CHRM3: variants seen among roughly 807,000 people sequenced by gnomAD.
CHRM3 encodes the protein cholinergic receptor muscarinic 3, also known as muscarinic acetylcholine receptor M3.
A neutral mutation model predicts 41.8 loss-of-function variants in CHRM3; 11 were observed. That is an observed-to-expected ratio of 0.26 (90% CI 0.17 to 0.44). The LOEUF is 0.44. Ranked by LOEUF, CHRM3 falls within the 20% of genes least tolerant of loss-of-function variation. The pLI is 1.00. For missense variants in CHRM3, 571 were observed against 745.4 expected (o/e 0.77, Z 2.72); for synonymous variants, 297 against 301.4 (o/e 0.99, Z 0.15).
chr1:239,582,032 A>C (rs1228402721), intron 3 of CHRM3, among the ~76,000 whole-genome samples: 1 of 152,200 alleles, frequency 6.6e-6, no homozygotes, highest in Non-Finnish European at 1.5e-5. Context: ...TAACCTAAGT[A>C]CTCTGCAAAT....
intron 5 of CHRM3, among the ~76,000 whole-genome samples, chr1:239,749,780 ATTTG>A (rs1458821228): frequency 6.6e-6 from 1 of 152,212 alleles, no homozygotes; most frequent in Non-Finnish European, 1.5e-5. Context: ...GAATTTTCGT[ATTTG>A]TTAAATAAGA....
At chr1:239,772,709 C>G (rs1667790201) in intron 5 of CHRM3, among the ~76,000 whole-genome samples, 1 of 152,090 alleles carries the variant, frequency 6.6e-6, no homozygotes, top group African/African-American at 2.4e-5. Context: ...GTACATGATG[C>G]CTTTCTGTGA....
chr1:239,865,092 T>C (rs1675977884), intron 6 of CHRM3, among the ~76,000 whole-genome samples: 1 of 152,178 alleles, frequency 6.6e-6, no homozygotes, highest in Non-Finnish European at 1.5e-5. Flanking sequence ...TAACTGCCCA[T>C]TGACTAAATT....
chr1:239,400,416 T>C (rs1659869305), intron 1 of CHRM3, among the ~76,000 whole-genome samples: 3 of 152,184 alleles, frequency 2.0e-5, no homozygotes. Context: ...CTCTTCACTT[T>C]GTTTATTTTT....
chr1:239,873,731 T>A (rs1021568821), intron 6 of CHRM3, among the ~76,000 whole-genome samples: 4 of 152,198 alleles, frequency 2.6e-5, no homozygotes, highest in African/African-American at 7.2e-5. Context: ...TCTGCCTCTC[T>A]GGTCCTTCTC....
At chr1:239,560,381 C>G (rs1007023435) in intron 3 of CHRM3, among the ~76,000 whole-genome samples, 1 of 151,918 alleles carries the variant, frequency 6.6e-6, no homozygotes, top group African/African-American at 2.4e-5. Flanking sequence ...AATGCAAAAA[C>G]AATACAAAAC....
intron 3 of CHRM3, among the ~76,000 whole-genome samples, chr1:239,623,007 C>T (rs1668552549): frequency 6.6e-6 from 1 of 151,978 alleles, no homozygotes; most frequent in Non-Finnish European, 1.5e-5. Flanking sequence ...TGGCAACCAC[C>T]ACCCTGATCA....
At chr1:239,881,440 AAAC>A (rs1677628759) in intron 6 of CHRM3, among the ~76,000 whole-genome samples, 4 of 152,216 alleles carry the variant, frequency 2.6e-5, no homozygotes, top group Middle Eastern at 6.8e-3. Flanking sequence ...GGAAAGAAGA[AAAC>A]AAAATGGCGA....
intron 6 of CHRM3, among the ~76,000 whole-genome samples, chr1:239,839,803 G>GC (rs942620372): frequency 1.3e-5 from 2 of 151,404 alleles, no homozygotes; most frequent in South Asian, 4.2e-4. Flanking sequence ...GGCGGGGCGG[G>GC]GGGGGAGCGG....
intron 2 of CHRM3, among the ~76,000 whole-genome samples, chr1:239,543,650 G>A (rs545024055): frequency 2.0e-4 from 30 of 152,062 alleles, no homozygotes; most frequent in African/African-American, 7.2e-4. Context: ...TGGGACTACA[G>A]GCGCCCACCA....
chr1:239,651,101 T>C (rs1558420641), intron 4 of CHRM3, among the ~76,000 whole-genome samples: 1 of 152,204 alleles, frequency 6.6e-6, no homozygotes, highest in Non-Finnish European at 1.5e-5. Flanking sequence ...AATGAATGAA[T>C]CAAACCCATA....
intron 6 of CHRM3, among the ~76,000 whole-genome samples, chr1:239,843,346 A>G (rs969219220): frequency 1.3e-5 from 2 of 150,932 alleles, no homozygotes; most frequent in Non-Finnish European, 2.9e-5. Flanking sequence ...ATGCTGGCCT[A>G]TGTTATGATT....
At chr1:239,501,700 C>CA (rs965274182) in intron 2 of CHRM3, among the ~76,000 whole-genome samples, 17 of 151,604 alleles carry the variant, frequency 1.1e-4, no homozygotes, top group African/African-American at 3.1e-4. Flanking sequence ...CTAAAAAATA[C>CA]AAAAAAAATT....
At chr1:239,574,214 T>C (rs1662113213) in intron 3 of CHRM3, among the ~76,000 whole-genome samples, 1 of 152,174 alleles carries the variant, frequency 6.6e-6, no homozygotes. Flanking sequence ...CAGAGAGTGA[T>C]ACCCCTATAC....
intron 6 of CHRM3, among the ~76,000 whole-genome samples, chr1:239,863,669 C>T (rs1362305749): frequency 6.6e-6 from 1 of 152,058 alleles, no homozygotes; most frequent in African/African-American, 2.4e-5. Context: ...TGGATAATCC[C>T]AGTGCTGTTA....
intron 4 of CHRM3, among the ~76,000 whole-genome samples, chr1:239,648,782 A>G (rs915916852): frequency 3.5e-4 from 54 of 152,188 alleles, no homozygotes; most frequent in African/African-American, 1.2e-3. Flanking sequence ...TGACTTGATG[A>G]TAAATTTTTA....
chr1:239,677,695 C>T (rs560032450), intron 4 of CHRM3, among the ~76,000 whole-genome samples: 1 of 152,314 alleles, frequency 6.6e-6, no homozygotes, highest in African/African-American at 2.4e-5. Flanking sequence ...AGCTTAATCA[C>T]CTCTTAAAGG....
At chr1:239,582,921 G>A (rs1420861980) in intron 3 of CHRM3, among the ~76,000 whole-genome samples, 5 of 152,094 alleles carry the variant, frequency 3.3e-5, no homozygotes, top group African/African-American at 1.2e-4. Context: ...TCCTCAGTGA[G>A]CTCTCCAGAG....
At chr1:239,418,667 G>T (rs1361955347) in intron 1 of CHRM3, among the ~76,000 whole-genome samples, 5 of 152,090 alleles carry the variant, frequency 3.3e-5, no homozygotes, top group Non-Finnish European at 5.9e-5. Flanking sequence ...AAGTCTGTTT[G>T]CTTCTTAGAA....
Sources: allele counts gnomAD v4.1 joint callset (sites outside exome capture counted in the v4.1 genomes callset), GRCh38; gene constraint gnomAD v4.1.1; transcripts MANE v1.5; gene names NCBI Gene and HGNC (gene_info 2026-07-23, HGNC 2026-07-21).